The following NSG2 variants were observed in gnomAD, a reference collection of about 807,000 sequenced individuals.
The protein encoded by NSG2 is neuronal vesicle trafficking-associated protein 2.
Under a neutral mutation model 16.9 loss-of-function variants are expected in NSG2, and 4 were observed. That is an observed-to-expected ratio of 0.24 (90% CI 0.12 to 0.54). The LOEUF (loss-of-function observed/expected upper bound fraction) is 0.54, where lower values mean the gene tolerates loss of function less well. NSG2 is among the 20% of genes least tolerant of loss of function. The probability of loss-of-function intolerance (pLI) is 0.95; values close to 1 mark genes in which losing one functional copy is unlikely to be tolerated. For synonymous variants in NSG2, 98 were observed against 88.7 expected (o/e 1.11, Z -0.59); for missense variants, 179 against 221.1 (o/e 0.81, Z 1.21).
intron 3 of NSG2, among the ~76,000 whole-genome samples, chr5:174,080,529 C>CTTTCTTTTTTTCTT (rs1561668646): frequency 9.7e-6 from 1 of 102,796 alleles, no homozygotes; most frequent in African/African-American, 4.2e-5. Flanking sequence ...CTTTCTTTCT[C>CTTTCTTTTTTTCTT]TCTCTCTCTC....
At chr5:174,064,867 T>G (rs889230217) in intron 3 of NSG2, among the ~76,000 whole-genome samples, 4 of 152,124 alleles carry the variant, frequency 2.6e-5, no homozygotes, top group African/African-American at 9.7e-5. Flanking sequence ...TCCCAGGGAA[T>G]GCCCCGAGGA....
At chr5:174,097,043 C>T (rs554006961) in intron 3 of NSG2, among the ~76,000 whole-genome samples, 7 of 152,110 alleles carry the variant, frequency 4.6e-5, no homozygotes, top group Non-Finnish European at 7.4e-5. Flanking sequence ...ATGATTGTGA[C>T]GATAGTGTGC....
rs1210216767 is a variant in NSG2 at position 174,107,493 on chromosome 5, C to G, written c.504C>G (p.Thr168=). ...TCCATGAGCCCAAGCCGCCCAAGAC[C>G]CAGGGCCACTAGAGGCCTGCCCCAG... The part of the protein sequence containing the change: ...AVIHEPKPPK[T]QGH Residue 168 remains threonine, a synonymous_variant, in exon 5 of 5, where the codon ACC becomes ACG. Transcript: ENST00000303177. This position sits in a 1 kb window ranked among gnomAD's most constrained non-coding sequence, Gnocchi z 4.5. The G allele has an allele frequency of 6.2e-7, 1 of 1,608,800 alleles. No individual in the cohort carries two copies. Among genetic ancestry groups the G allele is most frequent in the African/African-American group, 1.3e-5 (1 of 74,832 alleles).
intron 2 of NSG2, among the ~76,000 whole-genome samples, chr5:174,060,181 A>C (rs1381890209): frequency 6.6e-6 from 1 of 152,140 alleles, no homozygotes; most frequent in African/African-American, 2.4e-5. Context: ...GCCTGTAATG[A>C]TTATTCATGG....
At chr5:174,057,266 C>T (rs1201913079) in intron 2 of NSG2, among the ~76,000 whole-genome samples, 3 of 152,206 alleles carry the variant, frequency 2.0e-5, no homozygotes, top group South Asian at 2.1e-4. Context: ...CTTTTAACTG[C>T]GGGAAAAAGA....
chr5:174,098,028 G>A (rs569979263), intron 3 of NSG2, among the ~76,000 whole-genome samples: 11 of 152,124 alleles, frequency 7.2e-5, no homozygotes, highest in African/African-American at 1.9e-4. Context: ...GCTGGTAGGC[G>A]AGAGGGGTGA....
chr5:174,079,069 A>C (rs1405361184), intron 3 of NSG2, among the ~76,000 whole-genome samples: 1 of 151,892 alleles, frequency 6.6e-6, no homozygotes, highest in Non-Finnish European at 1.5e-5. Flanking sequence ...TTAATTAATA[A>C]ATTTTGCCAA....
intron 3 of NSG2, among the ~76,000 whole-genome samples, chr5:174,100,557 T>C (rs1301226849): frequency 6.6e-6 from 1 of 152,128 alleles, no homozygotes; most frequent in African/African-American, 2.4e-5. Context: ...ATTTCCGAGC[T>C]CCTCAGCTGC....
intron 3 of NSG2, among the ~76,000 whole-genome samples, chr5:174,076,038 CA>C (rs770482654): frequency 4.6e-5 from 7 of 152,218 alleles, no homozygotes; most frequent in Non-Finnish European, 1.0e-4. Context: ...TTTTACTTTG[CA>C]ATCTGACAGA....
chr5:174,081,887 C>CAAAA (rs60742273), intron 3 of NSG2, among the ~76,000 whole-genome samples: 10 of 70,138 alleles, frequency 1.4e-4, no homozygotes, highest in African/African-American at 2.7e-4. Context: ...GACTCCGACT[C>CAAAA]AAAAAAAAAA....
At position 174,072,789 on chromosome 5, in the gene NSG2, G is replaced by C. The variant is rs1760265645; in HGVS notation, c.213+8474G>C. ...GCTTGAACCCAGGAGTTTGAGACCA[G>C]CCTGGGCAACATGGCAAAACCCCAT... On this transcript the variant is annotated intron_variant, in intron 3 of 4. Coordinates refer to ENST00000303177, the MANE Select transcript of NSG2 (RefSeq NM_015980.5). The surrounding 1 kb of genome is among the most constrained non-coding windows in gnomAD (Gnocchi z 4.0). Among the ~76,000 whole-genome samples, 1 of 152,216 alleles carries C rather than the reference G, an allele frequency of 6.6e-6. No homozygotes were observed.
At chr5:174,070,080 G>T (rs906085070) in intron 3 of NSG2, among the ~76,000 whole-genome samples, 1 of 151,798 alleles carries the variant, frequency 6.6e-6, no homozygotes, top group African/African-American at 2.4e-5. Flanking sequence ...TAGAGATAGG[G>T]TCTCACTTTG....
chr5:174,057,153 A>T (rs1293813769), intron 2 of NSG2, among the ~76,000 whole-genome samples: 1 of 152,224 alleles, frequency 6.6e-6, no homozygotes, highest in Non-Finnish European at 1.5e-5. Context: ...CCCACTTTTA[A>T]GAATAAAAAG....
chr5:174,100,031 C>T (rs1487362986), intron 3 of NSG2, among the ~76,000 whole-genome samples: 2 of 152,220 alleles, frequency 1.3e-5, no homozygotes, highest in Middle Eastern at 3.2e-3. Flanking sequence ...CCTTCAGTTG[C>T]AGAAGTTACC....
chr5:174,047,313 G>A (rs62395629), intron 2 of NSG2, among the ~76,000 whole-genome samples: 6 of 152,198 alleles, frequency 3.9e-5, no homozygotes, highest in African/African-American at 7.2e-5. Flanking sequence ...TATACTAGGA[G>A]TTGGTTATAA....
intron 3 of NSG2, among the ~76,000 whole-genome samples, chr5:174,087,369 C>T (rs1760643995): frequency 6.6e-6 from 1 of 152,156 alleles, no homozygotes. Context: ...CTACTCCATT[C>T]ATTAATTGAG....
chr5:174,083,431 A>T (rs941718343), intron 3 of NSG2, among the ~76,000 whole-genome samples: 1 of 152,192 alleles, frequency 6.6e-6, no homozygotes, highest in African/African-American at 2.4e-5. Flanking sequence ...GCTGCAGGAG[A>T]TGATGGAACA....
chr5:174,101,251 G>A (rs1016585845), intron 3 of NSG2, among the ~76,000 whole-genome samples: 16 of 152,208 alleles, frequency 1.1e-4, no homozygotes, highest in African/African-American at 3.9e-4. Flanking sequence ...AGAGCTGCAG[G>A]TGCCAGGATG....
chr5:174,067,077 A>G (rs907179628), intron 3 of NSG2, among the ~76,000 whole-genome samples: 1 of 148,836 alleles, frequency 6.7e-6, no homozygotes, highest in Non-Finnish European at 1.5e-5. Context: ...ATGTTGAGTG[A>G]GTAAAATAGA....
Sources: gnomAD v4.1 joint callset for allele counts (sites outside exome capture counted in the v4.1 genomes callset) on GRCh38, gnomAD v4.1.1 for gene constraint, Gnocchi (gnomAD v3.1) non-coding constraint, MANE v1.5 for transcripts, NCBI Gene and HGNC (gene_info 2026-07-23, HGNC 2026-07-21) for gene names.